PTPRF: variants seen among roughly 807,000 people sequenced by gnomAD.
The protein encoded by PTPRF is protein tyrosine phosphatase receptor type F.
Under a neutral mutation model 201.8 loss-of-function variants are expected in PTPRF, and 59 were observed. That is an observed-to-expected ratio of 0.29 (90% CI 0.24 to 0.36). The LOEUF (loss-of-function observed/expected upper bound fraction) is 0.36, where lower values mean the gene tolerates loss of function less well. Among genes scored for constraint, PTPRF ranks in the 10% least tolerant of loss-of-function variants. The pLI is 1.00. For synonymous variants in PTPRF, 1,088 were observed against 1,089.7 expected, an observed-to-expected ratio of 1.00 and a Z score of 0.03; for missense variants, 2,132 against 2,690.5, an observed-to-expected ratio of 0.79 and a Z score of 4.59.
intron 6 of PTPRF, chr1:43,575,941 C>G: frequency 7.3e-7 from 1 of 1,364,844 alleles, no homozygotes; most frequent in Non-Finnish European, 9.8e-7. Flanking sequence ...AGAATGCTGT[C>G]CGTGCCTCTC....
rs974202874 is a variant in PTPRF at position 43,603,590 on chromosome 1, G to T, written c.2459-21G>T. On this transcript the variant is annotated intron_variant, in intron 15 of 33. Transcript: ENST00000359947. The surrounding 1 kb of genome is among the most constrained non-coding windows in gnomAD (Gnocchi z 5.8). ...GGGGCAGCAGGAGGGCAGCGCCAGA[G>T]CCCAGCCCGTGGTCCTTCAGTCCCA... 1 of 1,612,542 alleles carries T rather than the reference G, an allele frequency of 6.2e-7. No homozygotes were observed. Among genetic ancestry groups the T allele is most frequent in the Non-Finnish European group, 8.5e-7 (1 of 1,179,152 alleles).
At chr1:43,610,576 T>C (rs925269381) in intron 22 of PTPRF, among the ~76,000 whole-genome samples, 1 of 152,242 alleles carries the variant, frequency 6.6e-6, no homozygotes, top group Non-Finnish European at 1.5e-5. Context: ...CCACCACCTG[T>C]TTTTGTAAAT....
Position 43,605,305 on chromosome 1 carries a change from C to A in PTPRF, c.3251C>A (p.Ala1084Glu). The change falls in exon 18 of 34, where the codon GCA (alanine) becomes GAA (glutamate). Residue 1084 changes from alanine (A) to glutamate (E), a missense_variant. Ala to Glu is a moderately radical substitution (Grantham distance 107). This residue lies in a region of PTPRF where 818 missense variants were observed against 915.3 expected (regional missense o/e 0.89). Transcript: ENST00000359947. Reference protein sequence around the residue: ...SFVLMNRGSSAGGLQHLVSIR... With the variant: ...SFVLMNRGSSEGGLQHLVSIR... The stretch of plus-strand genomic sequence containing the variant: ...GTGCTGATGAACCGTGGCAGCAGCG[C>A]AGGGGGCCTGCAGCACCTGGTGTCC... 6.2e-7 allele frequency: 1 copy of A among 1,613,504 alleles called. No homozygotes were observed. The highest frequency in any genetic ancestry group is 8.5e-7 in the Non-Finnish European group (1 of 1,179,742).
At chr1:43,547,175 C>T (rs906010011) in intron 3 of PTPRF, among the ~76,000 whole-genome samples, 8 of 152,032 alleles carry the variant, frequency 5.3e-5, no homozygotes, top group African/African-American at 1.9e-4. Context: ...CCCTCGCTGT[C>T]CCTCCACCCA....
At chr1:43,525,804 CAAAAA>C (rs1179056466), upstream of PTPRF, among the ~76,000 whole-genome samples, 3 of 35,566 alleles carry the variant, frequency 8.4e-5, no homozygotes, top group Non-Finnish European at 1.4e-4. Flanking sequence ...GACTCAGTCT[CAAAAA>C]AAAAAAAAAA....
chr1:43,608,181 G>A (rs977798106), intron 21 of PTPRF, among the ~76,000 whole-genome samples: 2 of 152,206 alleles, frequency 1.3e-5, no homozygotes, highest in African/African-American at 4.8e-5. Context: ...GGTCTGTCCA[G>A]AGAGGTAGAC....
rs201969218 is a variant in PTPRF at position 43,603,390 on chromosome 1, G to C, written c.2341-26G>C. ...GGCCTCTCCCTGCATTCTTGTGATG[G>C]GAACGAACCCCTCCTCCTCCCTCAG... is the stretch of plus-strand genomic sequence containing the variant. On this transcript the variant is annotated intron_variant, in intron 14 of 33. Transcript: ENST00000359947. This position sits in a 1 kb window ranked among gnomAD's most constrained non-coding sequence, Gnocchi z 5.8. 4.1e-5 allele frequency: 65 copies of C among 1,600,726 alleles called. No individual in the cohort carries two copies. The highest frequency in any genetic ancestry group is 3.3e-4 in the Middle Eastern group (2 of 6,028).
intron 9 of PTPRF, 97 bp downstream of exon 9, chr1:43,591,650 G>T (rs1349534612): frequency 1.4e-6 from 2 of 1,445,532 alleles, no homozygotes; most frequent in African/African-American, 1.4e-5. Flanking sequence ...TGAGGCTGGG[G>T]GCTCTTGGGA....
chr1:43,566,091 G>A (rs544665027), intron 5 of PTPRF, among the ~76,000 whole-genome samples: 2 of 152,206 alleles, frequency 1.3e-5, no homozygotes, highest in Non-Finnish European at 2.9e-5. Flanking sequence ...GCCGCGGCGC[G>A]TGTGCGGGGC....
At chr1:43,532,925 A>G (rs1643745239) in intron 1 of PTPRF, among the ~76,000 whole-genome samples, 1 of 151,910 alleles carries the variant, frequency 6.6e-6, no homozygotes, top group Non-Finnish European at 1.5e-5. Flanking sequence ...CCCCTCTCGC[A>G]TACCTGGGCC....
intron 22 of PTPRF, among the ~76,000 whole-genome samples, chr1:43,610,815 G>A (rs1656253603): frequency 6.6e-6 from 1 of 152,200 alleles, no homozygotes; most frequent in Non-Finnish European, 1.5e-5. Context: ...CGTGAGCCAA[G>A]ATCGTACCAT....
At chr1:43,538,789 C>T (rs1214211250) in intron 2 of PTPRF, among the ~76,000 whole-genome samples, 1 of 152,168 alleles carries the variant, frequency 6.6e-6, no homozygotes, top group Middle Eastern at 3.2e-3. Flanking sequence ...CTGGGCATGT[C>T]CTCTGCATCT....
Position 43,605,589 on chromosome 1 carries a change from G to T in PTPRF, c.3450G>T (p.Arg1150Ser). The change falls in exon 19 of 34, where the codon AGG (arginine) becomes AGT (serine). Residue 1150 changes from arginine to serine, a missense_variant. Around this residue, in one of 6 missense-constraint regions of PTPRF, gnomAD observed 818 missense variants for 915.3 expected, o/e 0.89. Coordinates refer to ENST00000359947, the MANE Select transcript of PTPRF (RefSeq NM_002840.5). ...DRVGGSMLTP[R>S]WSTPEELELD... ...TGGGCGGGAGCATGCTGACGCCAAGGTGGAGCACACCCGAGGAACTGGAGC... is the reference window on the plus strand; with the variant it reads ...TGGGCGGGAGCATGCTGACGCCAAGTTGGAGCACACCCGAGGAACTGGAGC... The T allele has an allele frequency of 6.2e-7, 1 of 1,614,198 alleles. No homozygotes were observed. Among genetic ancestry groups the T allele is most frequent in the Non-Finnish European group, 8.5e-7 (1 of 1,180,032 alleles).
intron 12 of PTPRF, chr1:43,598,482 C>A: frequency 1.9e-6 from 1 of 529,408 alleles, no homozygotes; most frequent in Non-Finnish European, 3.3e-6. Flanking sequence ...GTCGACCCTC[C>A]CCACCAAGTG....
At chr1:43,523,922 G>T (rs1280551933), upstream of PTPRF, among the ~76,000 whole-genome samples, 3 of 151,832 alleles carry the variant, frequency 2.0e-5, no homozygotes, top group South Asian at 2.1e-4. Flanking sequence ...AATTAGCCAG[G>T]CATGGTGCCA....
chr1:43,534,762 G>A (rs1412545485), intron 1 of PTPRF, among the ~76,000 whole-genome samples: 1 of 152,142 alleles, frequency 6.6e-6, no homozygotes, highest in Non-Finnish European at 1.5e-5. Flanking sequence ...AGAGACCATA[G>A]AGCTGTGCAC....
rs763916687 is a variant in PTPRF at position 43,603,664 on chromosome 1, C to G, written c.2512C>G (p.Leu838Val). 1 of 1,613,672 alleles carries G rather than the reference C, an allele frequency of 6.2e-7. No individual in the cohort carries two copies. Among genetic ancestry groups the G allele is most frequent in the Admixed American group, 1.7e-5 (1 of 60,006 alleles). ...ISTTAMNTAL[L>V]QWHPPKELPG... Reference sequence around the variant, plus strand: ...CACCACGGCCATGAACACTGCGCTGCTCCAGTGGCACCCACCCAAGGAACT... The same window carrying G: ...CACCACGGCCATGAACACTGCGCTGGTCCAGTGGCACCCACCCAAGGAACT... The change falls in exon 16 of 34, where the codon CTC becomes GTC. Residue 838 changes from leucine to valine, a missense_variant. By Grantham distance (32) the Leu-to-Val change is conservative. Coordinates refer to ENST00000359947, the MANE Select transcript of PTPRF (RefSeq NM_002840.5). This position sits in a 1 kb window ranked among gnomAD's most constrained non-coding sequence, Gnocchi z 5.8.
chr1:43,594,065 C>T (rs1052930042), intron 11 of PTPRF, among the ~76,000 whole-genome samples: 20 of 152,178 alleles, frequency 1.3e-4, no homozygotes, highest in African/African-American at 4.3e-4. Context: ...GCAGGATCCC[C>T]ATGGGCAGAC....
upstream of PTPRF, among the ~76,000 whole-genome samples, chr1:43,529,306 C>G (rs150408759): frequency 6.6e-6 from 1 of 152,162 alleles, no homozygotes. Flanking sequence ...CGCCAGGGGG[C>G]GCACACGCAC....
Sources: allele counts gnomAD v4.1 joint callset (sites outside exome capture counted in the v4.1 genomes callset), GRCh38; gene constraint gnomAD v4.1.1; regional missense constraint gnomAD v4.1.1; non-coding constraint Gnocchi (gnomAD v3.1); transcripts MANE v1.5; gene names NCBI Gene and HGNC (gene_info 2026-07-23, HGNC 2026-07-21).